ITPR2: variants seen among roughly 807,000 people sequenced by gnomAD.
The protein encoded by ITPR2 is inositol 1,4,5-trisphosphate receptor type 2.
In ITPR2, 207 loss-of-function variants were observed where a neutral mutation model predicts 317.1. The ratio of observed to expected loss-of-function variants is 0.65; its 90% CI spans 0.58 to 0.73. The LOEUF (loss-of-function observed/expected upper bound fraction) is 0.73. Among genes scored for constraint, ITPR2 ranks in the 30% least tolerant of loss-of-function variants. The pLI is 0.00. For missense variants in ITPR2, 2,613 were observed against 3,284.0 expected, an observed-to-expected ratio of 0.80 and a Z score of 4.99; for synonymous variants, 1,156 against 1,149.1, an observed-to-expected ratio of 1.01 and a Z score of -0.12.
intron 26 of ITPR2, among the ~76,000 whole-genome samples, chr12:26,618,981 G>T (rs1946433813): frequency 2.0e-5 from 3 of 152,256 alleles, no homozygotes; most frequent in South Asian, 4.1e-4. Context: ...ATTCATGATA[G>T]TGGTTTCCTC....
intron 37 of ITPR2, among the ~76,000 whole-genome samples, chr12:26,542,968 T>C (rs1473378377): frequency 3.9e-5 from 6 of 152,246 alleles, no homozygotes; most frequent in African/African-American, 1.4e-4. Flanking sequence ...ACAGAAGCTA[T>C]GAATTTTATA....
At chr12:26,548,520 A>G (rs563924836) in intron 37 of ITPR2, among the ~76,000 whole-genome samples, 2 of 152,322 alleles carry the variant, frequency 1.3e-5, no homozygotes, top group African/African-American at 4.8e-5. Flanking sequence ...AAGCTGTGTC[A>G]TTCATATCAG....
chr12:26,355,849 C>T (rs1023530734), intron 55 of ITPR2, among the ~76,000 whole-genome samples: 7 of 152,150 alleles, frequency 4.6e-5, no homozygotes, highest in Non-Finnish European at 1.0e-4. Context: ...TGGGGGTCAG[C>T]ACAACACAGA....
chr12:26,736,790 A>C (rs1050790376), intron 2 of ITPR2, among the ~76,000 whole-genome samples: 2 of 152,218 alleles, frequency 1.3e-5, no homozygotes, highest in African/African-American at 4.8e-5. Flanking sequence ...CCTCAAACAG[A>C]GGAAGAAGGA....
chr12:26,362,320 C>A (rs1407378816), intron 55 of ITPR2, among the ~76,000 whole-genome samples: 2 of 152,156 alleles, frequency 1.3e-5, no homozygotes, highest in South Asian at 4.1e-4. Flanking sequence ...ATGTTTCTTA[C>A]CAAAATTAAA....
At chr12:26,437,403 C>A (rs975432578) in intron 47 of ITPR2, among the ~76,000 whole-genome samples, 2 of 152,230 alleles carry the variant, frequency 1.3e-5, no homozygotes, top group African/African-American at 4.8e-5. Flanking sequence ...TGGAAGGGAA[C>A]ATTCCAATGC....
At chr12:26,811,428 G>A (rs1460799843) in intron 1 of ITPR2, among the ~76,000 whole-genome samples, 1 of 149,798 alleles carries the variant, frequency 6.7e-6, no homozygotes, top group Non-Finnish European at 1.5e-5. Context: ...GGCTAACGCG[G>A]TGAAACCCCA....
intron 5 of ITPR2, among the ~76,000 whole-genome samples, chr12:26,718,203 A>AC (rs1230379190): frequency 3.4e-5 from 5 of 149,076 alleles, no homozygotes; most frequent in Admixed American, 2.0e-4. Context: ...CCCTCCCCTC[A>AC]CCCCCCACCC....
rs374942458 is a variant in ITPR2, at chr12:26,481,221, C to T, written c.6033G>A (p.Glu2011=). ...CAATGATGATATCAATCCCATTAGA[C>T]TCATGTGTAGCGATACAGGTCTAGA... The part of the protein sequence containing the change: ...HENQTCIATH[E]SNGIDIIIAL... The change falls in exon 43 of 57, where the codon GAG becomes GAA. Residue 2011 remains glutamate, a synonymous_variant. Transcript: ENST00000381340. 3.7e-6 allele frequency: 6 copies of T among 1,610,566 alleles called. No homozygotes were observed. In the African/African-American group the frequency reaches 8.0e-5, roughly 21 times the overall value.
intron 2 of ITPR2, among the ~76,000 whole-genome samples, chr12:26,753,167 G>A (rs1322442852): frequency 1.3e-5 from 2 of 152,144 alleles, no homozygotes; most frequent in Non-Finnish European, 2.9e-5. Flanking sequence ...AAAAGGCAAG[G>A]ACACTTGACT....
At chr12:26,369,720 C>G (rs1939127159) in intron 55 of ITPR2, among the ~76,000 whole-genome samples, 1 of 152,002 alleles carries the variant, frequency 6.6e-6, no homozygotes, top group Admixed American at 6.6e-5. Flanking sequence ...ATTCATGAGC[C>G]CTTGGATCAC....
intron 37 of ITPR2, among the ~76,000 whole-genome samples, chr12:26,523,631 T>C (rs1225689560): frequency 6.6e-6 from 1 of 152,154 alleles, no homozygotes; most frequent in Non-Finnish European, 1.5e-5. Context: ...CCAGGTTATA[T>C]AATGCTTAAA....
At position 26,695,606 on chromosome 12, in the gene ITPR2, CA is replaced by C; in HGVS notation, c.995del (p.Val332GlyfsTer38). On this transcript the variant is annotated frameshift_variant and splice_region_variant, in exon 10 of 57. Coordinates refer to ENST00000381340, the MANE Select transcript of ITPR2 (RefSeq NM_002223.4). LOFTEE classifies it high-confidence loss of function. ...YRDAQNEGKN[V>X]RDGVPPTSKK... ...TTGGAGAAAAGCCAGTTCTACTCAC[CA>C]CATTTTTTCCTTCATTTTGGGCATC... 6.2e-7 allele frequency: 1 copy of C among 1,611,884 alleles called. No individual in the cohort carries two copies. The highest frequency in any genetic ancestry group is 8.5e-7 in the Non-Finnish European group (1 of 1,178,258).
chr12:26,533,769 C>G lies in ITPR2; in HGVS notation c.5073+16478G>C, dbSNP rs539519580. ...TGGGACAGTTCCTTCTCTCCTGGCC[C>G]TTGGAAGGAAACCACCTGTTGACCC... On this transcript the variant is annotated intron_variant, in intron 37 of 56. Coordinates refer to ENST00000381340, the MANE Select transcript of ITPR2 (RefSeq NM_002223.4). 1.8e-4 allele frequency among the ~76,000 whole-genome samples: 28 copies of G among 152,288 alleles called. 1 individual carries two copies. In the South Asian group the frequency reaches 5.8e-3, roughly 32 times the overall value.
chr12:26,446,732 C>CAAAAAAAAAAAA (rs34601956), intron 45 of ITPR2, among the ~76,000 whole-genome samples: 1 of 122,772 alleles, frequency 8.1e-6, no homozygotes, highest in Non-Finnish European at 1.7e-5. Flanking sequence ...AAAAGGGACT[C>CAAAAAAAAAAAA]AAAAAAAAAA....
chr12:26,402,001 TA>T (rs1940194346), intron 52 of ITPR2, among the ~76,000 whole-genome samples: 1 of 152,136 alleles, frequency 6.6e-6, no homozygotes, highest in African/African-American at 2.4e-5. Context: ...CATTCTGATT[TA>T]AAAAGTAGGA....
intron 1 of ITPR2, among the ~76,000 whole-genome samples, chr12:26,826,753 C>T (rs932656463): frequency 1.3e-5 from 2 of 151,574 alleles, no homozygotes; most frequent in Non-Finnish European, 2.9e-5. Context: ...TACAGATGTA[C>T]ACACACACAC....
In ITPR2 at chr12:26,659,107, T is replaced by A; in HGVS notation, c.1886+6A>T. 1 of 1,608,862 alleles carries A rather than the reference T, an allele frequency of 6.2e-7. No homozygotes were observed. The highest frequency in any genetic ancestry group is 8.5e-7 in the Non-Finnish European group (1 of 1,176,422). On this transcript the variant is annotated splice_donor_region_variant and intron_variant, in intron 16 of 56. Coordinates refer to ENST00000381340, the MANE Select transcript of ITPR2 (RefSeq NM_002223.4). Reference sequence around the variant, plus strand: ...AGAAAAGAATACCGCATGAATCATTTCAAACCTTGGCTCCCGATTTCTCCT... The same window carrying A: ...AGAAAAGAATACCGCATGAATCATTACAAACCTTGGCTCCCGATTTCTCCT...
In ITPR2 at chr12:26,832,847, G is replaced by A; in HGVS notation, c.-66C>T. Reference sequence around the variant, plus strand: ...GCGCCCTCGCCGCCCTCTCTCCAGGGAGCCGCCGCGGCAGAAGCGGATCGG... The same window carrying A: ...GCGCCCTCGCCGCCCTCTCTCCAGGAAGCCGCCGCGGCAGAAGCGGATCGG... On this transcript the variant is annotated 5_prime_UTR_variant, in exon 1 of 57. Coordinates refer to ENST00000381340, the MANE Select transcript of ITPR2 (RefSeq NM_002223.4). The A allele has an allele frequency of 1.6e-6, 2 of 1,277,086 alleles. No individual in the cohort carries two copies. Among genetic ancestry groups the A allele is most frequent in the Non-Finnish European group, 2.2e-6 (2 of 891,136 alleles). The allele number at this position is 1,277,086 out of a possible 1,614,324, so 79.1% of individuals were successfully genotyped here.
Sources: gnomAD v4.1 joint callset for allele counts (sites outside exome capture counted in the v4.1 genomes callset) on GRCh38, gnomAD v4.1.1 for gene constraint, MANE v1.5 for transcripts, NCBI Gene and HGNC (gene_info 2026-07-23, HGNC 2026-07-21) for gene names.